The following SNTG2 variants were observed in gnomAD, a reference collection of about 807,000 sequenced individuals.
The protein encoded by SNTG2 is syntrophin gamma 2.
A neutral mutation model predicts 70.9 loss-of-function variants in SNTG2; 74 were observed. The observed-to-expected ratio is 1.04, with a 90% CI of 0.86 to 1.27. SNTG2 has a LOEUF of 1.27. Ranked by LOEUF, SNTG2 falls within the 50% of genes most tolerant of loss-of-function variation. The probability of loss-of-function intolerance (pLI) is 0.00; values close to 1 mark genes in which losing one functional copy is unlikely to be tolerated. For synonymous variants in SNTG2, 278 were observed against 273.8 expected, an observed-to-expected ratio of 1.02 and a Z score of -0.15; for missense variants, 717 against 690.7, an observed-to-expected ratio of 1.04 and a Z score of -0.43.
intron 1 of SNTG2, among the ~76,000 whole-genome samples, chr2:1,022,062 C>T (rs1660211514): frequency 6.7e-6 from 1 of 150,274 alleles, no homozygotes; most frequent in Admixed American, 6.7e-5. Context: ...TGAACTAGTA[C>T]AGCCACTGTG....
intron 9 of SNTG2, among the ~76,000 whole-genome samples, chr2:1,234,256 C>A (rs1167411543): frequency 6.6e-6 from 1 of 152,176 alleles, no homozygotes. Flanking sequence ...CACTAGTTAC[C>A]CGGCTTCTAT....
At chr2:1,328,450 G>T (rs962995032) in intron 16 of SNTG2, among the ~76,000 whole-genome samples, 4 of 152,174 alleles carry the variant, frequency 2.6e-5, no homozygotes, top group Admixed American at 6.5e-5. Context: ...TGAGGAAAAA[G>T]AGTTCCTCTC....
At chr2:1,072,154 G>A (rs1247032712) in intron 1 of SNTG2, among the ~76,000 whole-genome samples, 3 of 152,102 alleles carry the variant, frequency 2.0e-5, no homozygotes, top group Admixed American at 6.6e-5. Context: ...GATTTTCCAC[G>A]TAGATGAAAC....
Position 1,162,030 on chromosome 2 carries a change from C to CCG in SNTG2, c.412-3518_412-3517insCG, listed in dbSNP as rs1558474534. Among the ~76,000 whole-genome samples, 5 of 144,298 alleles carry CCG rather than the reference C, an allele frequency of 3.5e-5. No individual in the cohort carries two copies. The East Asian group carries it at 1.0e-3, about 30-fold the overall frequency. The allele number at this position is 144,298 out of a possible 152,430, so 94.7% of individuals were successfully genotyped here. A position where few individuals can be genotyped will look rare whatever the true frequency, so the allele number is the denominator to read the frequency against. On this transcript the variant is annotated intron_variant, in intron 6 of 16. Transcript: ENST00000308624. ...CGGAGCTTGCAGTGGGCCCAGATGG[C>CCG]GCCACTGCACTCCAGCCTGGGCGAC...
chr2:1,149,672 GTTTTTTTTTT>G (rs1221169268), intron 6 of SNTG2, among the ~76,000 whole-genome samples: 47 of 146,458 alleles, frequency 3.2e-4, no homozygotes, highest in African/African-American at 1.1e-3. Context: ...GTTGATTAGC[GTTTTTTTTTT>G]TTTTTTTTTT....
At chr2:1,136,838 A>G (rs1317187720) in intron 4 of SNTG2, among the ~76,000 whole-genome samples, 1 of 152,224 alleles carries the variant, frequency 6.6e-6, no homozygotes, top group African/African-American at 2.4e-5. Flanking sequence ...ACTTTCTCAT[A>G]CAAAGTTTTT....
At chr2:1,009,322 C>T (rs6760309) in intron 1 of SNTG2, among the ~76,000 whole-genome samples, 5,757 of 56,930 alleles carry the variant, frequency 0.1, 337 homozygotes, top group Admixed American at 0.13. Flanking sequence ...TGGTGTGGGT[C>T]GTGTGTATGG....
At chr2:986,313 T>A (rs1214269693) in intron 1 of SNTG2, among the ~76,000 whole-genome samples, 1 of 152,176 alleles carries the variant, frequency 6.6e-6, no homozygotes, top group Non-Finnish European at 1.5e-5. Flanking sequence ...TTGTTTGGGA[T>A]GCAATGACAA....
chr2:1,002,575 A>G (rs973960816), intron 1 of SNTG2, among the ~76,000 whole-genome samples: 1 of 152,050 alleles, frequency 6.6e-6, no homozygotes, highest in African/African-American at 2.4e-5. Context: ...CAGTCAGAAT[A>G]GCTATTATTA....
chr2:1,335,693 C>G (rs1250736975), intron 16 of SNTG2, among the ~76,000 whole-genome samples: 1 of 151,994 alleles, frequency 6.6e-6, no homozygotes. Context: ...CTGTGTGGGT[C>G]TGGATTGAAC....
intron 16 of SNTG2, among the ~76,000 whole-genome samples, chr2:1,349,805 C>T (rs1660485068): frequency 6.6e-6 from 1 of 152,162 alleles, no homozygotes; most frequent in Admixed American, 6.5e-5. Context: ...GTGTAATTAC[C>T]TTCAGTTTGT....
chr2:1,215,403 AATT>A (rs1179945593), intron 9 of SNTG2, among the ~76,000 whole-genome samples: 4 of 152,172 alleles, frequency 2.6e-5, no homozygotes, highest in Admixed American at 2.6e-4. Context: ...TATTTTTGTT[AATT>A]ATTATTACTG....
At chr2:1,276,702 T>G (rs568019208) in intron 14 of SNTG2, among the ~76,000 whole-genome samples, 2 of 152,318 alleles carry the variant, frequency 1.3e-5, no homozygotes, top group South Asian at 4.1e-4. Flanking sequence ...ACTGTCGAGT[T>G]TTATTATTTA....
intron 14 of SNTG2, among the ~76,000 whole-genome samples, chr2:1,279,373 A>C (rs1222313866): frequency 6.6e-6 from 1 of 152,246 alleles, no homozygotes; most frequent in Non-Finnish European, 1.5e-5. Flanking sequence ...CTAATTCACA[A>C]GTTAAACTTT....
At chr2:1,018,980 A>G (rs1404423241) in intron 1 of SNTG2, among the ~76,000 whole-genome samples, 1 of 152,140 alleles carries the variant, frequency 6.6e-6, no homozygotes, top group African/African-American at 2.4e-5. Context: ...CCACTTGATG[A>G]GAATACAGCA....
chr2:1,136,893 A>T (rs1384250217), intron 4 of SNTG2, among the ~76,000 whole-genome samples: 1 of 152,200 alleles, frequency 6.6e-6, no homozygotes, highest in Non-Finnish European at 1.5e-5. Context: ...TTTTGATCAG[A>T]GCCGTCTCTG....
At chr2:1,169,004 G>T (rs1167532996) in intron 7 of SNTG2, among the ~76,000 whole-genome samples, 1 of 152,130 alleles carries the variant, frequency 6.6e-6, no homozygotes, top group Admixed American at 6.5e-5. Context: ...GGACTTGAGG[G>T]CTGCACAGAA....
chr2:1,060,355 GTA>G (rs1484540317), intron 1 of SNTG2, among the ~76,000 whole-genome samples: 3 of 152,308 alleles, frequency 2.0e-5, no homozygotes, highest in East Asian at 3.9e-4. Context: ...ATACACGTGT[GTA>G]TGTGTGTACT....
chr2:1,081,623 G>A (rs1024355842), intron 1 of SNTG2, among the ~76,000 whole-genome samples: 1 of 152,212 alleles, frequency 6.6e-6, no homozygotes, highest in Admixed American at 6.5e-5. Context: ...CTCCTTCCCG[G>A]CTGCCCTTGG....
Sources: gnomAD v4.1 joint callset for allele counts (sites outside exome capture counted in the v4.1 genomes callset) on GRCh38, gnomAD v4.1.1 for gene constraint, MANE v1.5 for transcripts, NCBI Gene and HGNC (gene_info 2026-07-23, HGNC 2026-07-21) for gene names.